The following FHIT variants were observed in gnomAD, a reference collection of about 807,000 sequenced individuals.
FHIT encodes fragile histidine triad diadenosine triphosphatase.
Under a neutral mutation model 17.9 loss-of-function variants are expected in FHIT, and 19 were observed. That is an observed-to-expected ratio of 1.06 (90% confidence interval 0.74 to 1.56). The LOEUF (loss-of-function observed/expected upper bound fraction) is 1.56, where lower values mean the gene tolerates loss of function less well. Ranked by LOEUF, FHIT falls within the 40% of genes most tolerant of loss-of-function variation. The pLI is 0.00. For synonymous variants in FHIT, 81 were observed against 69.7 expected (o/e 1.16, Z -0.81); for missense variants, 248 against 189.2 (o/e 1.31, Z -1.82).
At chr3:60,528,212 C>G (rs1003651531) in intron 5 of FHIT, among the ~76,000 whole-genome samples, 4 of 152,154 alleles carry the variant, frequency 2.6e-5, no homozygotes. Context: ...CTCAAGTGAT[C>G]CCCCTGCTTC....
At chr3:59,979,155 G>T (rs13077692) in intron 7 of FHIT, among the ~76,000 whole-genome samples, 1 of 152,018 alleles carries the variant, frequency 6.6e-6, no homozygotes, top group South Asian at 2.1e-4. Context: ...GAGGCTGAGA[G>T]AGCACAGAGC....
At chr3:61,140,371 T>A (rs1422322370) in intron 2 of FHIT, among the ~76,000 whole-genome samples, 1 of 152,176 alleles carries the variant, frequency 6.6e-6, no homozygotes, top group Non-Finnish European at 1.5e-5. Flanking sequence ...TAAGAATACC[T>A]AAGAGTTTGT....
chr3:60,552,331 A>T (rs1576863923), intron 4 of FHIT, among the ~76,000 whole-genome samples: 1 of 152,124 alleles, frequency 6.6e-6, no homozygotes, highest in South Asian at 2.1e-4. Context: ...TCAATTATTG[A>T]ACGTACACCT....
chr3:60,726,517 G>C (rs915906481), intron 4 of FHIT, among the ~76,000 whole-genome samples: 1 of 152,114 alleles, frequency 6.6e-6, no homozygotes, highest in Admixed American at 6.5e-5. Context: ...GGCTGAGTCT[G>C]GTCAGTTTTC....
chr3:60,293,756 G>A (rs544837594), intron 5 of FHIT, among the ~76,000 whole-genome samples: 1 of 152,236 alleles, frequency 6.6e-6, no homozygotes, highest in South Asian at 2.1e-4. Flanking sequence ...TTTAGATAAA[G>A]AGGAATGGCA....
At chr3:59,780,090 T>G (rs1702508436) in intron 8 of FHIT, among the ~76,000 whole-genome samples, 1 of 152,220 alleles carries the variant, frequency 6.6e-6, no homozygotes, top group South Asian at 2.1e-4. Flanking sequence ...TCCCTGTGTG[T>G]GGCTGTCTCC....
rs752916450 is a variant in FHIT, at chr3:59,830,736, C to T, written c.349-78415G>A. Among the ~76,000 whole-genome samples the T allele has an allele frequency of 1.6e-3, 237 of 152,182 alleles. 3 individuals carry two copies. Among genetic ancestry groups the T allele is most frequent in the Non-Finnish European group, 4.1e-4 (28 of 68,038 alleles). ...ACAGCACAGCCAGCCACCTAGCAGA[C>T]CCATGAGCAGGGCCTTTTGCAAAGG... On this transcript the variant is annotated intron_variant, in intron 8 of 9. Coordinates refer to ENST00000492590, the MANE Select transcript of FHIT (RefSeq NM_002012.4).
intron 3 of FHIT, among the ~76,000 whole-genome samples, chr3:60,981,281 C>G (rs979139400): frequency 4.0e-5 from 6 of 150,784 alleles, no homozygotes; most frequent in Non-Finnish European, 8.8e-5. Context: ...TCTCCTTCTC[C>G]CCTTTCTTCC....
intron 5 of FHIT, among the ~76,000 whole-genome samples, chr3:60,058,213 C>A (rs1318315498): frequency 7.5e-6 from 1 of 134,128 alleles, no homozygotes; most frequent in African/African-American, 2.8e-5. Flanking sequence ...GACTCGATCT[C>A]GGCTCACTGC....
At chr3:60,400,695 TC>T (rs1701626354) in intron 5 of FHIT, among the ~76,000 whole-genome samples, 1 of 152,000 alleles carries the variant, frequency 6.6e-6, no homozygotes, top group African/African-American at 2.4e-5. Flanking sequence ...ACAGTTGGTC[TC>T]CCCATGGTAA....
chr3:60,101,072 C>T (rs1704170694), intron 5 of FHIT, among the ~76,000 whole-genome samples: 1 of 152,212 alleles, frequency 6.6e-6, no homozygotes, highest in Non-Finnish European at 1.5e-5. Context: ...ACCATTGCTT[C>T]TTACCTGGGG....
chr3:60,952,295 T>C (rs1331725993), intron 3 of FHIT, among the ~76,000 whole-genome samples: 1 of 150,078 alleles, frequency 6.7e-6, no homozygotes. Context: ...AAAGAAAACA[T>C]AGCAGTGCAA....
At position 59,965,211 on chromosome 3, in the gene FHIT, T is replaced by C. The variant is rs148721254; in HGVS notation, c.280-42797A>G. ...ATTACTTTCTAAATTTGTAGGGCTT[T>C]AAATTGTCTAGCAGAACACAGCTTG... On this transcript the variant is annotated intron_variant, in intron 7 of 9. Transcript: ENST00000492590. Among the ~76,000 whole-genome samples the C allele has an allele frequency of 1.2e-3, 189 of 152,294 alleles. 1 individual carries two copies. The highest frequency in any genetic ancestry group is 4.3e-3 in the African/African-American group (179 of 41,584).
At chr3:60,714,528 GA>G (rs2041628651) in intron 4 of FHIT, among the ~76,000 whole-genome samples, 1 of 152,184 alleles carries the variant, frequency 6.6e-6, no homozygotes, top group South Asian at 2.1e-4. Flanking sequence ...TGTATATCTA[GA>G]AAACCCCATT....
intron 3 of FHIT, among the ~76,000 whole-genome samples, chr3:60,827,181 A>T (rs956035979): frequency 1.9e-4 from 29 of 152,206 alleles, no homozygotes; most frequent in Non-Finnish European, 3.4e-4. Context: ...AGTTTGCAGG[A>T]AAGTTCAGTA....
intron 7 of FHIT, among the ~76,000 whole-genome samples, chr3:59,990,151 T>C (rs1400061968): frequency 6.6e-6 from 1 of 152,100 alleles, no homozygotes; most frequent in Non-Finnish European, 1.5e-5. Flanking sequence ...TCCTGCATTA[T>C]ATTTTTATGT....
chr3:59,969,132 C>T lies in FHIT; in HGVS notation c.279+42239G>A, dbSNP rs569302807. On this transcript the variant is annotated intron_variant, in intron 7 of 9. Transcript: ENST00000492590. ...TTATTCTCTGTGAAATTATCCTTCA[C>T]TCGTAGGGAAAACAACAATAGAAGT... 9.2e-5 allele frequency among the ~76,000 whole-genome samples: 14 copies of T among 152,150 alleles called. No individual in the cohort carries two copies. In the South Asian group the frequency reaches 1.5e-3, roughly 16 times the overall value.
At chr3:60,134,093 C>G (rs1241518276) in intron 5 of FHIT, among the ~76,000 whole-genome samples, 1 of 151,960 alleles carries the variant, frequency 6.6e-6, no homozygotes, top group Admixed American at 6.6e-5. Context: ...CATGACCCGT[C>G]CAGGAGAAAT....
At chr3:60,378,843 A>G (rs369415238) in intron 5 of FHIT, among the ~76,000 whole-genome samples, 1 of 152,328 alleles carries the variant, frequency 6.6e-6, no homozygotes, top group African/African-American at 2.4e-5. Context: ...GGCCAAGCCT[A>G]GGAGGTTCAT....
Sources: gnomAD v4.1 joint callset for allele counts (sites outside exome capture counted in the v4.1 genomes callset) on GRCh38, gnomAD v4.1.1 for gene constraint, MANE v1.5 for transcripts, NCBI Gene and HGNC (gene_info 2026-07-23, HGNC 2026-07-21) for gene names.